Variants in LRRTM3 observed in about 807,000 individuals in gnomAD.
LRRTM3 encodes the protein leucine-rich repeat transmembrane neuronal protein 3.
Under a neutral mutation model 44.7 loss-of-function variants are expected in LRRTM3, and 24 were observed. The ratio of observed to expected loss-of-function variants is 0.54; its 90% CI spans 0.39 to 0.76. LRRTM3 has a LOEUF of 0.76. LRRTM3 is among the 30% of genes least tolerant of loss of function. LRRTM3 has a pLI of 0.00. For missense variants in LRRTM3, 587 were observed against 702.2 expected (o/e 0.84, Z 1.85); for synonymous variants, 277 against 278.7 (o/e 0.99, Z 0.06).
intron 2 of LRRTM3, among the ~76,000 whole-genome samples, chr10:67,081,267 G>T (rs1260689660): frequency 6.6e-6 from 1 of 152,144 alleles, no homozygotes; most frequent in African/African-American, 2.4e-5. Flanking sequence ...CTCATTTCAG[G>T]TATATACTGA....
rs1414512900 is a variant in LRRTM3 at position 67,097,759 on chromosome 10, C to T, written c.1709C>T (p.Ala570Val). The change falls in exon 3 of 3, where the codon GCT (alanine) becomes GTT (valine). Residue 570 changes from alanine to valine, a missense_variant. Ala to Val is a moderately conservative substitution (Grantham distance 64). This residue lies in a region of LRRTM3 where 315 missense variants were observed against 335.6 expected (regional missense o/e 0.94). Coordinates refer to ENST00000361320, the MANE Select transcript of LRRTM3 (RefSeq NM_178011.5). Reference protein sequence around the residue: ...TELDLSTITTAGRISDHKQQL... With the variant: ...TELDLSTITTVGRISDHKQQL... ...CTGGACCTGAGCACAATCACAACAG[C>T]TGGCCGAATCAGTGACCATAAACAG... 1 of 1,612,440 alleles carries T rather than the reference C, an allele frequency of 6.2e-7. No homozygotes were observed. Among genetic ancestry groups the T allele is most frequent in the Non-Finnish European group, 8.5e-7 (1 of 1,178,942 alleles).
intron 2 of LRRTM3, among the ~76,000 whole-genome samples, chr10:67,094,736 T>G (rs1857863950): frequency 6.6e-6 from 1 of 151,770 alleles, no homozygotes; most frequent in Non-Finnish European, 1.5e-5. Flanking sequence ...TTATCTTACT[T>G]GACATTCCAA....
chr10:67,059,233 C>T (rs1209555876), intron 2 of LRRTM3, among the ~76,000 whole-genome samples: 1 of 152,104 alleles, frequency 6.6e-6, no homozygotes, highest in Admixed American at 6.5e-5. Flanking sequence ...GCCAGATCAC[C>T]ATTTTCCAAA....
intron 2 of LRRTM3, among the ~76,000 whole-genome samples, chr10:66,968,972 A>G (rs1849579731): frequency 6.6e-6 from 1 of 152,026 alleles, no homozygotes; most frequent in Non-Finnish European, 1.5e-5. Flanking sequence ...AGCTGAGAAC[A>G]CACCACTGCA....
chr10:67,096,149 T>G (rs1254466051), intron 2 of LRRTM3, among the ~76,000 whole-genome samples: 5 of 151,910 alleles, frequency 3.3e-5, no homozygotes, highest in Admixed American at 6.6e-5. Flanking sequence ...ATATTTTATA[T>G]GCCGAAATAT....
In LRRTM3 at chr10:67,073,388, A is replaced by G. The variant is rs189382413; in HGVS notation, c.1537-24199A>G. On this transcript the variant is annotated intron_variant, in intron 2 of 2. Coordinates refer to ENST00000361320, the MANE Select transcript of LRRTM3 (RefSeq NM_178011.5). ...TATTGCTTTTTTTCATCTATTTAAG[A>G]TTATCTCCCTTAAATATGTTTTTCC... 1.2e-4 allele frequency among the ~76,000 whole-genome samples: 18 copies of G among 152,296 alleles called. 1 individual carries two copies. The highest frequency in any genetic ancestry group is 9.8e-4 in the Admixed American group (15 of 15,306).
At chr10:66,984,413 G>A (rs564994063) in intron 2 of LRRTM3, among the ~76,000 whole-genome samples, 1 of 152,234 alleles carries the variant, frequency 6.6e-6, no homozygotes, top group African/African-American at 2.4e-5. Flanking sequence ...TTCTTGCATA[G>A]AGGAAGCAGA....
intron 2 of LRRTM3, among the ~76,000 whole-genome samples, chr10:67,066,305 G>A (rs866093191): frequency 1.3e-5 from 2 of 148,968 alleles, no homozygotes; most frequent in African/African-American, 2.5e-5. Flanking sequence ...AGATTCTCCT[G>A]CCTCAGCCTC....
At chr10:67,063,739 TA>T (rs1564865305) in intron 2 of LRRTM3, among the ~76,000 whole-genome samples, 1 of 152,250 alleles carries the variant, frequency 6.6e-6, no homozygotes, top group Admixed American at 6.5e-5. Context: ...GTACTCTATA[TA>T]AACTCTTACA....
intron 2 of LRRTM3, among the ~76,000 whole-genome samples, chr10:67,029,616 G>A (rs1009234202): frequency 2.6e-5 from 4 of 152,132 alleles, no homozygotes; most frequent in African/African-American, 7.2e-5. Context: ...ACAAAAGAGA[G>A]GTTTGGGATG....
chr10:66,999,705 C>A (rs1394952483), intron 2 of LRRTM3, among the ~76,000 whole-genome samples: 1 of 152,062 alleles, frequency 6.6e-6, no homozygotes, highest in African/African-American at 2.4e-5. Flanking sequence ...GAATAATGTA[C>A]ATTTCATAAG....
intron 2 of LRRTM3, among the ~76,000 whole-genome samples, chr10:66,940,587 G>A (rs946084325): frequency 6.6e-6 from 1 of 152,206 alleles, no homozygotes; most frequent in Non-Finnish European, 1.5e-5. Flanking sequence ...CTGACAAAAT[G>A]TATTCAGCAG....
At chr10:66,952,143 C>T (rs748983125) in intron 2 of LRRTM3, among the ~76,000 whole-genome samples, 8 of 152,188 alleles carry the variant, frequency 5.3e-5, no homozygotes, top group Non-Finnish European at 7.3e-5. Flanking sequence ...GCAGAAATCA[C>T]GTCAACCACC....
At chr10:66,978,022 T>A (rs1043546559) in intron 2 of LRRTM3, among the ~76,000 whole-genome samples, 2 of 150,858 alleles carry the variant, frequency 1.3e-5, no homozygotes, top group Admixed American at 6.7e-5. Flanking sequence ...TACTTTAGTA[T>A]AACATCATGA....
At chr10:67,024,631 T>G (rs529883647) in intron 2 of LRRTM3, among the ~76,000 whole-genome samples, 21 of 152,306 alleles carry the variant, frequency 1.4e-4, no homozygotes, top group Non-Finnish European at 2.5e-4. Flanking sequence ...GAGCCATATA[T>G]GCAAATGGGT....
intron 2 of LRRTM3, among the ~76,000 whole-genome samples, chr10:66,964,384 A>G (rs1849288102): frequency 6.6e-6 from 1 of 151,726 alleles, no homozygotes; most frequent in Admixed American, 6.6e-5. Flanking sequence ...TTTCTCTCAT[A>G]CTTTAAAATT....
At chr10:67,029,552 T>C (rs1455491929) in intron 2 of LRRTM3, among the ~76,000 whole-genome samples, 2 of 152,194 alleles carry the variant, frequency 1.3e-5, no homozygotes, top group African/African-American at 4.8e-5. Context: ...CACTTAAGAT[T>C]TTGAATGTCA....
intron 2 of LRRTM3, among the ~76,000 whole-genome samples, chr10:67,025,078 G>A (rs915399152): frequency 1.5e-4 from 21 of 144,388 alleles, no homozygotes; most frequent in African/African-American, 4.4e-4. Flanking sequence ...GCGGTGAGCC[G>A]AGATCATGCC....
chr10:66,942,588 ATG>A (rs148640505), intron 2 of LRRTM3, among the ~76,000 whole-genome samples: 24 of 146,652 alleles, frequency 1.6e-4, no homozygotes, highest in Admixed American at 5.4e-4. Flanking sequence ...GTGTGTGTGT[ATG>A]TGTGTGTGTG....
Sources: gnomAD v4.1 joint callset for allele counts (sites outside exome capture counted in the v4.1 genomes callset) on GRCh38, gnomAD v4.1.1 for gene constraint, gnomAD v4.1.1 regional missense constraint, MANE v1.5 for transcripts, NCBI Gene and HGNC (gene_info 2026-07-23, HGNC 2026-07-21) for gene names.